Variants in SCNN1A observed in about 807,000 individuals in gnomAD.
SCNN1A encodes sodium channel epithelial 1 subunit alpha, also known as epithelial sodium channel subunit alpha.
In SCNN1A, 65 loss-of-function variants were observed where a neutral mutation model predicts 68.6. That is an observed-to-expected ratio of 0.95 (90% CI 0.78 to 1.16). The LOEUF (loss-of-function observed/expected upper bound fraction) is 1.16. Ranked by LOEUF, SCNN1A falls within the 50% of genes most tolerant of loss-of-function variation. The pLI is 0.00. For synonymous variants in SCNN1A, 357 were observed against 353.3 expected (o/e 1.01, Z -0.12); for missense variants, 880 against 865.9 (o/e 1.02, Z -0.20).
chr12:6,371,533 G>C (rs1356803018), intron 2 of SCNN1A, among the ~76,000 whole-genome samples: 1 of 130,658 alleles, frequency 7.7e-6, no homozygotes, highest in Non-Finnish European at 1.7e-5. Context: ...CGGGGGGGCG[G>C]GGGGTGGGGG....
At chr12:6,361,004 C>T (rs79506352) in intron 4 of SCNN1A, among the ~76,000 whole-genome samples, 5,173 of 152,224 alleles carry the variant, frequency 0.034, 291 homozygotes, top group African/African-American at 0.12. Flanking sequence ...CTATAAAGTG[C>T]CCTCACGTTT....
chr12:6,375,459 T>C, intron 1 of SCNN1A, 46 bp downstream of exon 1: 2 of 1,535,334 alleles, frequency 1.3e-6, no homozygotes, highest in African/African-American at 1.4e-5. Flanking sequence ...CTGGGACTGG[T>C]TCCTTTCCAG....
At chr12:6,365,942 G>A (rs1252718854) in intron 2 of SCNN1A, among the ~76,000 whole-genome samples, 3 of 151,658 alleles carry the variant, frequency 2.0e-5, no homozygotes, top group Non-Finnish European at 4.4e-5. Flanking sequence ...CACAAGCTCC[G>A]CCTCCGGGTT....
chr12:6,374,618 G>A lies in SCNN1A; in HGVS notation c.166C>T (p.Arg56Ter), dbSNP rs778872550. The A allele has an allele frequency of 6.8e-6, 11 of 1,613,720 alleles. No homozygotes were observed. Among genetic ancestry groups the A allele is most frequent in the Admixed American group, 3.3e-5 (2 of 60,008 alleles). ...TTGCAGAAGAACTCGAAGAGCTCTC[G>A]GTAGGAGCGGTGGAACTCGATCAGG... ...EALIEFHRSY[R>*]ELFEFFCNNT... Residue 56 changes from arginine to a stop codon, truncating the protein, a stop_gained, in exon 2 of 13, where the codon CGA (arginine) becomes TGA (stop). Transcript: ENST00000228916. LOFTEE classifies it high-confidence loss of function. The surrounding 1 kb of genome is among the most constrained non-coding windows in gnomAD (Gnocchi z 6.2).
chr12:6,358,412 C>T (rs78141955), intron 4 of SCNN1A, among the ~76,000 whole-genome samples: 3,520 of 152,260 alleles, frequency 0.023, 56 homozygotes, highest in South Asian at 0.1. Context: ...CATGACCCAG[C>T]AGTTCCACTC....
At chr12:6,373,987 G>A (rs998325919) in intron 2 of SCNN1A, among the ~76,000 whole-genome samples, 1 of 152,130 alleles carries the variant, frequency 6.6e-6, no homozygotes, top group Non-Finnish European at 1.5e-5. Context: ...TGAGGTGGAC[G>A]AGGTCTTATA....
At position 6,354,462 on chromosome 12, in the gene SCNN1A, C is replaced by G. The variant is rs1948458437; in HGVS notation, c.1336G>C (p.Asp446His). The change falls in exon 8 of 13, where the codon GAC becomes CAC. Residue 446 changes from aspartate to histidine, a missense_variant. Physicochemically the swap from Asp to His is moderately conservative, Grantham distance 81. This residue lies in a region of SCNN1A where 758 missense variants were observed against 721.8 expected (regional missense o/e 1.05). Coordinates refer to ENST00000228916, the MANE Select transcript of SCNN1A (RefSeq NM_001038.6). ...CCCCAGGAACTGTGCTTTCTGTAGT[C>G]ACAGTACTCCACGTTCTGGGGCCGC... ...YPRPQNVEYC[D>H]YRKHSSWGYC... 6.2e-7 allele frequency: 1 copy of G among 1,612,802 alleles called. No homozygotes were observed. Among genetic ancestry groups the G allele is most frequent in the Non-Finnish European group, 8.5e-7 (1 of 1,179,740 alleles).
Position 6,347,880 on chromosome 12 carries a change from C to T in SCNN1A, c.2003G>A (p.Gly668Glu), listed in dbSNP as rs1055874505. 5.0e-6 allele frequency: 8 copies of T among 1,601,708 alleles called. No homozygotes were observed. The highest frequency in any genetic ancestry group is 3.4e-5 in the South Asian group (3 of 89,326). ...GASSSTCPLG[G>E]P ...GAAACCTCTCCTTCCCTCTCAGGGC[C>T]CCCCCAGAGGACAGGTGGAGGAACT... The change falls in exon 13 of 13, where the codon GGG becomes GAG. Residue 668 changes from glycine to glutamate, a missense_variant. Transcript: ENST00000228916.
chr12:6,363,554 C>T lies in SCNN1A; in HGVS notation c.573G>A (p.Leu191=). 1 of 1,610,716 alleles carries T rather than the reference C, an allele frequency of 6.2e-7. No homozygotes were observed. Among genetic ancestry groups the T allele is most frequent in the Non-Finnish European group, 8.5e-7 (1 of 1,178,634 alleles). The change falls in exon 3 of 13, where the codon CTG becomes CTA. Residue 191 remains leucine (L), a synonymous_variant. Coordinates refer to ENST00000228916, the MANE Select transcript of SCNN1A (RefSeq NM_001038.6). The part of the protein sequence containing the change: ...RGTLPHPLQR[L]RVPPPPHGAR... ...CCCCGTGAGGCGGGGGCGGGACCCTCAGGCGCTGCAAGGGGTGCGGCAGAG... is the reference window on the plus strand; with the variant it reads ...CCCCGTGAGGCGGGGGCGGGACCCTTAGGCGCTGCAAGGGGTGCGGCAGAG...
chr12:6,364,310 A>G (rs751212377), intron 2 of SCNN1A, among the ~76,000 whole-genome samples: 1 of 152,126 alleles, frequency 6.6e-6, no homozygotes, highest in Non-Finnish European at 1.5e-5. Context: ...GTAAATCCCT[A>G]CATTCCTTCT....
intron 11 of SCNN1A, 38 bp downstream of exon 11, chr12:6,348,912 G>C: frequency 6.2e-7 from 1 of 1,611,698 alleles, no homozygotes; most frequent in Non-Finnish European, 8.5e-7. Flanking sequence ...CCCTCCCAAA[G>C]ATTCCCTTCT....
chr12:6,371,305 G>A (rs1274619886), intron 2 of SCNN1A, among the ~76,000 whole-genome samples: 1 of 151,906 alleles, frequency 6.6e-6, no homozygotes, highest in African/African-American at 2.4e-5. Context: ...TCCTGAGTAG[G>A]AGTGGCCCTG....
chr12:6,366,278 A>T (rs943122264), intron 2 of SCNN1A, among the ~76,000 whole-genome samples: 10 of 152,316 alleles, frequency 6.6e-5, no homozygotes, highest in Admixed American at 1.3e-4. Flanking sequence ...GTTACCATAT[A>T]ACCCATCCAT....
chr12:6,376,957 C>T (rs1354251510), upstream of SCNN1A, among the ~76,000 whole-genome samples: 3 of 152,170 alleles, frequency 2.0e-5, no homozygotes, highest in African/African-American at 4.8e-5. Context: ...GTCTTTAAAA[C>T]GGACTTCTAA....
upstream of SCNN1A, chr12:6,376,270 C>T (rs3759323): frequency 0.2 from 164,993 of 835,962 alleles, 17,647 homozygotes; most frequent in Non-Finnish European, 0.21. Context: ...CCAACCTTGT[C>T]CAGACCCGGG....
upstream of SCNN1A, chr12:6,376,047 C>T: frequency 4.0e-6 from 4 of 993,550 alleles, no homozygotes; most frequent in South Asian, 1.8e-4. Flanking sequence ...AGGGGGGAGT[C>T]CCAAGTGTGC....
At chr12:6,375,398 T>C in intron 1 of SCNN1A, 107 bp downstream of exon 1, 4 of 1,499,830 alleles carry the variant, frequency 2.7e-6, no homozygotes, top group Non-Finnish European at 3.5e-6. Flanking sequence ...ACTGCAGGGC[T>C]CCAGGAGGTC....
intron 2 of SCNN1A, 74 bp from the exon 3 acceptor site, chr12:6,363,784 C>G (rs550381298): frequency 7.1e-7 from 1 of 1,408,278 alleles, no homozygotes; most frequent in African/African-American, 1.5e-5. Flanking sequence ...GGTCAGGGTC[C>G]TCATCTGTGC....
At chr12:6,352,799 G>A (rs901266710) in intron 8 of SCNN1A, among the ~76,000 whole-genome samples, 3 of 152,238 alleles carry the variant, frequency 2.0e-5, no homozygotes, top group Non-Finnish European at 2.9e-5. Context: ...AGCCAGCCCA[G>A]GGAAGGACAG....
Sources: allele counts gnomAD v4.1 joint callset (sites outside exome capture counted in the v4.1 genomes callset), GRCh38; gene constraint gnomAD v4.1.1; regional missense constraint gnomAD v4.1.1; non-coding constraint Gnocchi (gnomAD v3.1); transcripts MANE v1.5; gene names NCBI Gene and HGNC (gene_info 2026-07-23, HGNC 2026-07-21).